Variants in SLC25A21 observed in about 807,000 individuals in gnomAD.
The protein encoded by SLC25A21 is solute carrier family 25 member 21, also known as mitochondrial 2-oxodicarboxylate carrier.
Under a neutral mutation model 43.8 loss-of-function variants are expected in SLC25A21, and 47 were observed. That is an observed-to-expected ratio of 1.07 (90% CI 0.85 to 1.37). The LOEUF (loss-of-function observed/expected upper bound fraction) is 1.37, where lower values mean the gene tolerates loss of function less well. Ranked by LOEUF, SLC25A21 falls within the 40% of genes most tolerant of loss-of-function variation. The pLI is 0.00. For synonymous variants in SLC25A21, 131 were observed against 121.3 expected, an observed-to-expected ratio of 1.08 and a Z score of -0.52; for missense variants, 352 against 350.2, an observed-to-expected ratio of 1.00 and a Z score of -0.04.
chr14:37,024,335 A>C (rs373258801), intron 1 of SLC25A21, among the ~76,000 whole-genome samples: 15 of 152,038 alleles, frequency 9.9e-5, no homozygotes, highest in Admixed American at 4.6e-4. Context: ...GTCTAATGGT[A>C]GTGTCATTGG....
At chr14:36,708,257 T>G (rs1359682931) in intron 7 of SLC25A21, among the ~76,000 whole-genome samples, 1 of 152,198 alleles carries the variant, frequency 6.6e-6, no homozygotes, top group South Asian at 2.1e-4. Flanking sequence ...AAAACTATGA[T>G]GAACAAAATG....
intron 1 of SLC25A21, among the ~76,000 whole-genome samples, chr14:36,931,355 G>T (rs533545911): frequency 1.6e-4 from 24 of 152,152 alleles, no homozygotes; most frequent in Non-Finnish European, 2.6e-4. Flanking sequence ...GATGCAGATA[G>T]CTCACCAGGT....
At chr14:37,081,978 G>T (rs1335357343) in intron 1 of SLC25A21, among the ~76,000 whole-genome samples, 1 of 152,110 alleles carries the variant, frequency 6.6e-6, no homozygotes, top group Non-Finnish European at 1.5e-5. Flanking sequence ...ATCACCTATA[G>T]AAGTACCCTT....
At chr14:37,059,749 A>T (rs1435207422) in intron 1 of SLC25A21, among the ~76,000 whole-genome samples, 1 of 152,180 alleles carries the variant, frequency 6.6e-6, no homozygotes, top group Admixed American at 6.6e-5. Flanking sequence ...TCTGGTGACA[A>T]TGTCAGCATC....
At chr14:36,777,107 A>G (rs1224929157) in intron 3 of SLC25A21, among the ~76,000 whole-genome samples, 1 of 152,042 alleles carries the variant, frequency 6.6e-6, no homozygotes, top group Non-Finnish European at 1.5e-5. Context: ...AAAATACAAA[A>G]ATTAGCTGGG....
At chr14:36,894,094 G>A (rs1296525008) in intron 1 of SLC25A21, among the ~76,000 whole-genome samples, 1 of 152,198 alleles carries the variant, frequency 6.6e-6, no homozygotes, top group Non-Finnish European at 1.5e-5. Context: ...TTGGTAGCTT[G>A]ATGGGGATGG....
At chr14:37,083,638 G>A (rs1486493569) in intron 1 of SLC25A21, among the ~76,000 whole-genome samples, 1 of 152,156 alleles carries the variant, frequency 6.6e-6, no homozygotes, top group Non-Finnish European at 1.5e-5. Context: ...AGTGTCTAAA[G>A]TACTGTCTCT....
intron 7 of SLC25A21, among the ~76,000 whole-genome samples, chr14:36,709,804 T>C (rs1481977437): frequency 6.6e-6 from 1 of 151,900 alleles, no homozygotes; most frequent in Non-Finnish European, 1.5e-5. Context: ...ATACTAGAAA[T>C]AGTTTTATGA....
intron 1 of SLC25A21, among the ~76,000 whole-genome samples, chr14:36,985,813 T>C (rs1174520957): frequency 1.3e-5 from 2 of 152,228 alleles, no homozygotes; most frequent in Non-Finnish European, 2.9e-5. Flanking sequence ...TTCACTTATT[T>C]GTATCAGAGA....
chr14:36,959,285 C>T (rs1398549122), intron 1 of SLC25A21, among the ~76,000 whole-genome samples: 1 of 152,180 alleles, frequency 6.6e-6, no homozygotes, highest in African/African-American at 2.4e-5. Context: ...CCTGCTTTGA[C>T]TGTTAGATCC....
chr14:36,717,694 C>CT (rs1884202828), intron 6 of SLC25A21, among the ~76,000 whole-genome samples: 2 of 152,210 alleles, frequency 1.3e-5, no homozygotes, highest in African/African-American at 4.8e-5. Flanking sequence ...TAAACACTTT[C>CT]TTTTGCTTTT....
intron 1 of SLC25A21, among the ~76,000 whole-genome samples, chr14:37,120,791 G>A (rs886138983): frequency 1.1e-4 from 17 of 152,092 alleles, no homozygotes; most frequent in Admixed American, 4.6e-4. Flanking sequence ...GCTGAGCAAT[G>A]AGAGAAAAGT....
intron 1 of SLC25A21, among the ~76,000 whole-genome samples, chr14:37,061,149 G>T (rs1566851731): frequency 6.6e-6 from 1 of 152,146 alleles, no homozygotes; most frequent in East Asian, 1.9e-4. Flanking sequence ...ACTTTCCATT[G>T]TAAATAGGAA....
intron 3 of SLC25A21, among the ~76,000 whole-genome samples, chr14:36,748,194 C>G (rs1885571246): frequency 1.3e-5 from 2 of 152,188 alleles, no homozygotes; most frequent in Admixed American, 6.5e-5. Flanking sequence ...ACTATCAAGT[C>G]CACTGGGGAA....
chr14:36,916,716 A>G (rs191244028), intron 1 of SLC25A21, among the ~76,000 whole-genome samples: 1 of 152,292 alleles, frequency 6.6e-6, no homozygotes, highest in Admixed American at 6.5e-5. Context: ...TACTGTGTCC[A>G]CACTGTTGAC....
intron 1 of SLC25A21, among the ~76,000 whole-genome samples, chr14:36,963,323 G>C (rs1311939287): frequency 6.6e-6 from 1 of 152,154 alleles, no homozygotes; most frequent in Non-Finnish European, 1.5e-5. Flanking sequence ...CATGTGAACA[G>C]AGAATATAAA....
chr14:36,935,481 T>G (rs553260019), intron 1 of SLC25A21, among the ~76,000 whole-genome samples: 15 of 152,288 alleles, frequency 9.8e-5, no homozygotes, highest in African/African-American at 3.6e-4. Flanking sequence ...GGGACTCAAT[T>G]AATTTTTAGG....
intron 3 of SLC25A21, among the ~76,000 whole-genome samples, chr14:36,794,388 T>C (rs1435612319): frequency 1.3e-5 from 2 of 152,234 alleles, no homozygotes; most frequent in African/African-American, 2.4e-5. Context: ...ATGTAAATGC[T>C]GTTTCAGACT....
chr14:36,983,829 A>C (rs1960085138), intron 1 of SLC25A21, among the ~76,000 whole-genome samples: 1 of 152,174 alleles, frequency 6.6e-6, no homozygotes, highest in African/African-American at 2.4e-5. Context: ...ATGGAATCAT[A>C]TCCTTTGCAG....
Sources: allele counts gnomAD v4.1 joint callset (sites outside exome capture counted in the v4.1 genomes callset), GRCh38; gene constraint gnomAD v4.1.1; transcripts MANE v1.5; gene names NCBI Gene and HGNC (gene_info 2026-07-23, HGNC 2026-07-21).